The following RPS9 variants were observed in gnomAD, a reference collection of about 807,000 sequenced individuals.
The protein encoded by RPS9 is ribosomal protein S9.
Under a neutral mutation model 16.9 loss-of-function variants are expected in RPS9, and 1 was observed. The ratio of observed to expected loss-of-function variants is 0.06; its 90% CI spans 0.02 to 0.28. RPS9 has a LOEUF of 0.28. RPS9 is among the 10% of genes least tolerant of loss of function. The pLI, the probability that RPS9 is intolerant of heterozygous loss-of-function variation, is 1.00. For missense variants in RPS9, 137 were observed against 273.2 expected, an observed-to-expected ratio of 0.50 and a Z score of 3.51; for synonymous variants, 106 against 110.9, an observed-to-expected ratio of 0.96 and a Z score of 0.28.
chr19:54,206,203 G>C (rs1370081732), intron 3 of RPS9, 73 bp from the exon 4 acceptor site: 1 of 1,483,674 alleles, frequency 6.7e-7, no homozygotes, highest in Admixed American at 1.9e-5. Flanking sequence ...CTACCAAGAG[G>C]CGGAGCCAGG....
rs1298622328 is a variant in RPS9 at position 54,201,524 on chromosome 19, G to A, written c.135G>A (p.Arg45=). The part of the protein sequence containing the change: ...YGLRNKREVW[R]VKFTLAKIRK... ...TCCGGAACAAACGTGAGGTCTGGAG[G>A]GTCAAATTTACCCTGGCCAAGATCC... The change falls in exon 3 of 5, where the codon AGG becomes AGA. Residue 45 remains arginine, a synonymous_variant. Transcript: ENST00000302907. The A allele has an allele frequency of 6.8e-6, 11 of 1,613,886 alleles. No individual in the cohort carries two copies. The highest frequency in any genetic ancestry group is 8.5e-6 in the Non-Finnish European group (10 of 1,179,986).
intron 2 of RPS9, 82 bp downstream of exon 2, chr19:54,201,363 C>T (rs747658186): frequency 1.1e-5 from 18 of 1,608,214 alleles, no homozygotes; most frequent in Admixed American, 1.7e-5. Context: ...TGTACTCTAT[C>T]TAGTCCGTCC....
rs1041498466 is a variant in RPS9 at position 54,200,895 on chromosome 19, T to G, written c.-26+7T>G. ...GACCGGGTGGTTTGCTTAGGTGAGG[T>G]GCGGTGGTGTGCTTTTTCTCTAGGG... On this transcript the variant is annotated splice_region_variant and intron_variant, in intron 1 of 4. Transcript: ENST00000302907. The G allele has an allele frequency of 1.7e-6, 2 of 1,211,966 alleles. No individual in the cohort carries two copies. Among genetic ancestry groups the G allele is most frequent in the African/African-American group, 1.6e-5 (1 of 63,252 alleles). 75.1% of individuals were successfully genotyped at this position (1,211,966 alleles called of 1,614,324 possible).
chr19:54,207,422 C>T lies in RPS9; in HGVS notation c.432C>T (p.Ile144=), dbSNP rs1261735656. 6.2e-7 allele frequency: 1 copy of T among 1,613,304 alleles called. No homozygotes were observed. The highest frequency in any genetic ancestry group is 8.5e-7 in the Non-Finnish European group (1 of 1,179,584). ...HIRVRKQVVN[I]PSFIVRLDSQ... ...GGGTCCGCAAGCAGGTGGTGAACATCCCGTCCTTCATTGTCCGCCTGGATT... is the reference window on the plus strand; with the variant it reads ...GGGTCCGCAAGCAGGTGGTGAACATTCCGTCCTTCATTGTCCGCCTGGATT... Residue 144 remains isoleucine (I), a synonymous_variant, in exon 5 of 5, where the codon ATC becomes ATT. Coordinates refer to ENST00000302907, the MANE Select transcript of RPS9 (RefSeq NM_001013.4).
Position 54,204,713 on chromosome 19 carries a change from G to A in RPS9, c.221-1563G>A, listed in dbSNP as rs545960503. 3.0e-4 allele frequency among the ~76,000 whole-genome samples: 46 copies of A among 152,318 alleles called. No homozygotes were observed. In the South Asian group the frequency reaches 8.7e-3, roughly 29 times the overall value. On this transcript the variant is annotated intron_variant, in intron 3 of 4. Transcript: ENST00000302907. ...ATAGGCCAGGCATAAGGGACTGTGC[G>A]TGGCTTAAGTTTCCATTTTCTAATG...
At position 54,201,141 on chromosome 19, in the gene RPS9, A is replaced by ACACTT; in HGVS notation, c.-25-17_-25-13dup. ...GGCGCCGTTTGGATCCCTTACGCTC[A>ACACTT]CACTTCTCTCCCGCGCAGGCGCAGA... On this transcript the variant is annotated intron_variant, in intron 1 of 4. Transcript: ENST00000302907. 6.2e-7 allele frequency: 1 copy of ACACTT among 1,612,200 alleles called. No individual in the cohort carries two copies. The highest frequency in any genetic ancestry group is 8.5e-7 in the Non-Finnish European group (1 of 1,179,832).
chr19:54,206,522 A>G, intron 4 of RPS9, 60 bp downstream of exon 4: 2 of 1,601,762 alleles, frequency 1.2e-6, no homozygotes, highest in South Asian at 1.1e-5. Context: ...GGTTGCCCTC[A>G]CTAAGCCTGC....
In RPS9 at chr19:54,206,381, G is replaced by T. The variant is rs768668988; in HGVS notation, c.326G>T (p.Arg109Leu). ...GLKIEDFLER[R>L]LQTQVFKLGL... ...AAGATAGAGGATTTCTTAGAGAGAC[G>T]CCTGCAGACCCAGGTCTTCAAGCTG... Residue 109 changes from arginine to leucine, a missense_variant, in exon 4 of 5, where the codon CGC (arginine) becomes CTC (leucine). Physicochemically the swap from Arg to Leu is moderately radical, Grantham distance 102. This residue lies in a region of RPS9 where 64 missense variants were observed against 164.0 expected (regional missense o/e 0.39). Coordinates refer to ENST00000302907, the MANE Select transcript of RPS9 (RefSeq NM_001013.4). The T allele has an allele frequency of 1.2e-6, 2 of 1,614,224 alleles. No homozygotes were observed. Among genetic ancestry groups the T allele is most frequent in the South Asian group, 2.2e-5 (2 of 91,090 alleles).
At chr19:54,201,777 T>G in intron 3 of RPS9, 168 bp downstream of exon 3, 1 of 1,385,976 alleles carries the variant, frequency 7.2e-7, no homozygotes, top group Non-Finnish European at 9.5e-7. Context: ...TCTGGATCAG[T>G]CTTTGCCCTG....
intron 3 of RPS9, chr19:54,202,716 T>A: frequency 1.0e-6 from 1 of 985,406 alleles, no homozygotes; most frequent in Non-Finnish European, 1.2e-6. Flanking sequence ...TGAGTTTGGG[T>A]AGTCATGATT....
At chr19:54,206,748 T>G in intron 4 of RPS9, 1 of 1,458,320 alleles carries the variant, frequency 6.9e-7, no homozygotes, top group East Asian at 2.5e-5. Flanking sequence ...GTGTCCCCAG[T>G]GGAGGGAGAG....
intron 4 of RPS9, chr19:54,207,154 G>T: frequency 1.9e-6 from 1 of 537,886 alleles, no homozygotes. Flanking sequence ...GTCTTAGGTG[G>T]GATACTTTCG....
intron 4 of RPS9, 45 bp downstream of exon 4, chr19:54,206,507 CT>C: frequency 6.2e-7 from 1 of 1,609,546 alleles, no homozygotes; most frequent in Non-Finnish European, 8.5e-7. Flanking sequence ...ACCTGCCCCT[CT>C]GATGGTTGCC....
rs141881269 is a variant in RPS9 at position 54,201,183 on chromosome 19, A to C, written c.-2A>C. The C allele has an allele frequency of 8.6e-5, 138 of 1,600,972 alleles. No homozygotes were observed. Among genetic ancestry groups the C allele is most frequent in the Non-Finnish European group, 1.1e-4 (131 of 1,168,944 alleles). On this transcript the variant is annotated 5_prime_UTR_variant, in exon 2 of 5. Transcript: ENST00000302907. ...AGGCGCAGACGGGGAAGCGGAGCCA[A>C]CATGCCAGTGGCCCGGAGCTGGGTT...
intron 3 of RPS9, 111 bp downstream of exon 3, chr19:54,201,720 A>G (rs17305304): frequency 0.37 from 566,513 of 1,510,732 alleles, 110,808 homozygotes; most frequent in East Asian, 0.42. Flanking sequence ...GATAAATGGA[A>G]CCAGCCTTCT....
chr19:54,206,529 C>A, intron 4 of RPS9, 67 bp downstream of exon 4: 1 of 1,596,800 alleles, frequency 6.3e-7, no homozygotes. Context: ...CTCACTAAGC[C>A]TGCTGTCCCT....
At chr19:54,205,885 C>T (rs370459689) in intron 3 of RPS9, among the ~76,000 whole-genome samples, 1 of 152,208 alleles carries the variant, frequency 6.6e-6, no homozygotes, top group African/African-American at 2.4e-5. Context: ...GGCCCCATCT[C>T]AGGTCACTGC....
intron 3 of RPS9, chr19:54,202,335 G>T: frequency 1.4e-6 from 1 of 693,020 alleles, no homozygotes; most frequent in East Asian, 1.3e-4. Flanking sequence ...ACAGGCATGG[G>T]CCACCAAGCC....
intron 3 of RPS9, chr19:54,203,435 C>T (rs988890568): frequency 2.3e-6 from 1 of 435,680 alleles, no homozygotes; most frequent in Admixed American, 6.4e-5. Flanking sequence ...TCTGTTAAGA[C>T]TGAACAGCCG....
Sources: gnomAD v4.1 joint callset for allele counts (sites outside exome capture counted in the v4.1 genomes callset) on GRCh38, gnomAD v4.1.1 for gene constraint, gnomAD v4.1.1 regional missense constraint, MANE v1.5 for transcripts, NCBI Gene and HGNC (gene_info 2026-07-23, HGNC 2026-07-21) for gene names.